The following SUMF1 variants were observed in gnomAD, a reference collection of about 807,000 sequenced individuals.
SUMF1 encodes sulfatase modifying factor 1.
A neutral mutation model predicts 47.6 loss-of-function variants in SUMF1; 48 were observed. That is an observed-to-expected ratio of 1.01 (90% confidence interval 0.80 to 1.28). SUMF1 has a LOEUF of 1.28. Ranked by LOEUF, SUMF1 falls within the 50% of genes most tolerant of loss-of-function variation. SUMF1 has a pLI of 0.00. For missense variants in SUMF1, 571 were observed against 485.4 expected (o/e 1.18, Z -1.66); for synonymous variants, 230 against 192.1 (o/e 1.20, Z -1.63).
At chr3:4,118,141 C>T (rs1693461526) in intron 8 of SUMF1, among the ~76,000 whole-genome samples, 1 of 151,988 alleles carries the variant, frequency 6.6e-6, no homozygotes, top group Non-Finnish European at 1.5e-5. Flanking sequence ...CTCCTCTCCC[C>T]ACAAGACATA....
At chr3:4,172,593 T>A (rs968325938) in intron 8 of SUMF1, among the ~76,000 whole-genome samples, 1 of 152,114 alleles carries the variant, frequency 6.6e-6, no homozygotes, top group African/African-American at 2.4e-5. Context: ...TTGCCTAAGA[T>A]CACACAGCTA....
chr3:4,217,815 A>T (rs1412601088), intron 8 of SUMF1, among the ~76,000 whole-genome samples: 2 of 151,524 alleles, frequency 1.3e-5, no homozygotes, highest in Non-Finnish European at 2.9e-5. Flanking sequence ...ACTAAAATTC[A>T]CCAGGGAAAA....
chr3:4,329,115 C>G (rs746330102), intron 8 of SUMF1, among the ~76,000 whole-genome samples: 1 of 152,178 alleles, frequency 6.6e-6, no homozygotes, highest in Non-Finnish European at 1.5e-5. Context: ...GGGTACAGCC[C>G]TTCTCCTGGC....
chr3:4,288,886 C>T (rs759024375), intron 8 of SUMF1, among the ~76,000 whole-genome samples: 21 of 152,032 alleles, frequency 1.4e-4, no homozygotes, highest in Non-Finnish European at 2.1e-4. Flanking sequence ...AAGATGGTTT[C>T]GGAACTTCAC....
At chr3:4,232,608 C>G (rs747269027) in intron 8 of SUMF1, among the ~76,000 whole-genome samples, 1 of 148,038 alleles carries the variant, frequency 6.8e-6, no homozygotes, top group Non-Finnish European at 1.5e-5. Flanking sequence ...CAAAAGAAAA[C>G]AAAAAAAAAT....
chr3:4,281,475 T>C (rs1183669044), intron 8 of SUMF1, among the ~76,000 whole-genome samples: 1 of 152,152 alleles, frequency 6.6e-6, no homozygotes, highest in Non-Finnish European at 1.5e-5. Context: ...TATTGATAAT[T>C]CCATTTTTAC....
chr3:4,232,898 A>G (rs981012655), intron 8 of SUMF1, among the ~76,000 whole-genome samples: 3 of 152,216 alleles, frequency 2.0e-5, no homozygotes, highest in Non-Finnish European at 4.4e-5. Flanking sequence ...CCACAGAGTC[A>G]TTGGGTTACA....
intron 3 of SUMF1, among the ~76,000 whole-genome samples, chr3:4,444,694 T>G (rs986704941): frequency 6.6e-6 from 1 of 152,158 alleles, no homozygotes; most frequent in Non-Finnish European, 1.5e-5. Flanking sequence ...AGGAGATAGA[T>G]GTAATACAGA....
chr3:4,352,294 C>A (rs919670785), intron 8 of SUMF1, among the ~76,000 whole-genome samples: 3 of 152,110 alleles, frequency 2.0e-5, no homozygotes, highest in African/African-American at 7.2e-5. Context: ...CAAAAATAAC[C>A]AGTTCCCCCC....
At chr3:4,045,922 A>C (rs866824518) in intron 9 of SUMF1, among the ~76,000 whole-genome samples, 17 of 152,184 alleles carry the variant, frequency 1.1e-4, no homozygotes, top group African/African-American at 3.9e-4. Flanking sequence ...ACACTGGCTT[A>C]TGCCTATAAT....
intron 8 of SUMF1, among the ~76,000 whole-genome samples, chr3:4,122,596 T>TA (rs771495396): frequency 6.6e-6 from 1 of 152,178 alleles, no homozygotes; most frequent in Non-Finnish European, 1.5e-5. Context: ...TGTCCACTGA[T>TA]ATGAGAAAAC....
chr3:4,059,214 C>A (rs1467512597), intron 9 of SUMF1, among the ~76,000 whole-genome samples: 1 of 152,138 alleles, frequency 6.6e-6, no homozygotes, highest in East Asian at 1.9e-4. Context: ...CATAGATGGA[C>A]AGATACTATC....
chr3:4,287,707 C>T (rs1197061289), intron 8 of SUMF1, among the ~76,000 whole-genome samples: 1 of 152,192 alleles, frequency 6.6e-6, no homozygotes. Flanking sequence ...TTAAAATATA[C>T]TACAGTATTC....
intron 8 of SUMF1, among the ~76,000 whole-genome samples, chr3:4,104,776 T>C (rs2125064583): frequency 6.6e-6 from 1 of 152,126 alleles, no homozygotes; most frequent in South Asian, 2.1e-4. Context: ...GGCCTAAAAA[T>C]TTGCCTACCA....
chr3:4,214,446 A>G (rs185211708), intron 8 of SUMF1, among the ~76,000 whole-genome samples: 304 of 152,334 alleles, frequency 2.0e-3, no homozygotes, highest in Middle Eastern at 6.8e-3. Context: ...TGCCCACAAG[A>G]GAAAGCAGGA....
At chr3:4,420,719 C>A (rs1701871375) in intron 3 of SUMF1, among the ~76,000 whole-genome samples, 1 of 151,830 alleles carries the variant, frequency 6.6e-6, no homozygotes, top group African/African-American at 2.4e-5. Context: ...TTAAAAAGTG[C>A]ATGGCTAGCC....
chr3:4,156,706 G>A (rs899655966), intron 8 of SUMF1, among the ~76,000 whole-genome samples: 1 of 151,714 alleles, frequency 6.6e-6, no homozygotes, highest in South Asian at 2.1e-4. Flanking sequence ...CCAATACCTG[G>A]AGTAAGGAAA....
At chr3:4,082,321 A>G (rs1559455341) in intron 8 of SUMF1, among the ~76,000 whole-genome samples, 1 of 151,802 alleles carries the variant, frequency 6.6e-6, no homozygotes, top group Non-Finnish European at 1.5e-5. Flanking sequence ...TACAAAAAAA[A>G]TAGCTGGGCA....
intron 9 of SUMF1, among the ~76,000 whole-genome samples, chr3:4,065,554 C>T (rs573358128): frequency 7.2e-4 from 110 of 152,190 alleles, no homozygotes; most frequent in African/African-American, 2.0e-3. Flanking sequence ...CAGTGATTTA[C>T]GCTGAACAAA....
Sources: allele counts gnomAD v4.1 joint callset (sites outside exome capture counted in the v4.1 genomes callset), GRCh38; gene constraint gnomAD v4.1.1; transcripts MANE v1.5; gene names NCBI Gene and HGNC (gene_info 2026-07-23, HGNC 2026-07-21).